RANBP10: variants seen among roughly 807,000 people sequenced by gnomAD.
RANBP10 encodes the protein ran-binding protein 10.
Under a neutral mutation model 72.8 loss-of-function variants are expected in RANBP10, and 24 were observed. The ratio of observed to expected loss-of-function variants is 0.33; its 90% CI spans 0.24 to 0.46. The LOEUF is 0.46. Ranked by LOEUF, RANBP10 falls within the 20% of genes least tolerant of loss-of-function variation. The pLI, the probability that RANBP10 is intolerant of heterozygous loss-of-function variation, is 1.00. For missense variants in RANBP10, 679 were observed against 817.5 expected (o/e 0.83, Z 2.07); for synonymous variants, 310 against 322.3 (o/e 0.96, Z 0.41).
At chr16:67,740,704 T>C (rs2053952564) in intron 4 of RANBP10, among the ~76,000 whole-genome samples, 1 of 152,224 alleles carries the variant, frequency 6.6e-6, no homozygotes, top group Admixed American at 6.5e-5. Flanking sequence ...ATACTACCTC[T>C]GACACTAGTT....
chr16:67,765,441 G>A lies in RANBP10; in HGVS notation c.400+6593C>T, dbSNP rs572692214. ...CTCGGGAGGCTGAGGCAGGAGAATC[G>A]CTTGAACCCGGGAGGCGAAGGTTGC... is the stretch of plus-strand genomic sequence containing the variant. On this transcript the variant is annotated intron_variant, in intron 3 of 13. Coordinates refer to ENST00000317506, the MANE Select transcript of RANBP10 (RefSeq NM_020850.3). 7.2e-5 allele frequency among the ~76,000 whole-genome samples: 11 copies of A among 152,084 alleles called. No homozygotes were observed. In the South Asian group the frequency reaches 2.1e-3, roughly 29 times the overall value.
chr16:67,742,429 A>G (rs2053987383), intron 4 of RANBP10, among the ~76,000 whole-genome samples: 1 of 152,238 alleles, frequency 6.6e-6, no homozygotes, highest in South Asian at 2.1e-4. Context: ...CAGGCTGGAA[A>G]AAAAGTCAAA....
Position 67,729,372 on chromosome 16 carries a change from G to A in RANBP10, c.1260C>T (p.Ser420=). 1 of 1,613,122 alleles carries A rather than the reference G, an allele frequency of 6.2e-7. No individual in the cohort carries two copies. The highest frequency in any genetic ancestry group is 1.7e-4 in the Middle Eastern group (1 of 5,756). ...AGTAATTGACGGAGGATGGGGAAGA[G>A]GACGAGGAGGAGGAGGAGGACGAGG... The part of the protein sequence containing the change: ...SSSSSSSSSS[S]SSPSSVNYSE... Residue 420 remains serine (S), a synonymous_variant, in exon 10 of 14, where the codon TCC becomes TCT. Coordinates refer to ENST00000317506, the MANE Select transcript of RANBP10 (RefSeq NM_020850.3). This position sits in a 1 kb window ranked among gnomAD's most constrained non-coding sequence, Gnocchi z 7.1.
At position 67,806,283 on chromosome 16, in the gene RANBP10, C is replaced by CA; in HGVS notation, c.235+18dup. 6.3e-7 allele frequency: 1 copy of CA among 1,594,524 alleles called. No homozygotes were observed. The highest frequency in any genetic ancestry group is 1.7e-4 in the Middle Eastern group (1 of 6,032). On this transcript the variant is annotated intron_variant, in intron 1 of 13. Coordinates refer to ENST00000317506, the MANE Select transcript of RANBP10 (RefSeq NM_020850.3). Reference sequence around the variant, plus strand: ...CGGACGCTCTAGCCTTAATTCCCCCCAGCCTGACGGGCCGATACCTTTGTA... The same window carrying CA: ...CGGACGCTCTAGCCTTAATTCCCCCCAAGCCTGACGGGCCGATACCTTTGTA...
chr16:67,755,456 G>T (rs2054269201), intron 3 of RANBP10, among the ~76,000 whole-genome samples: 1 of 152,028 alleles, frequency 6.6e-6, no homozygotes, highest in African/African-American at 2.4e-5. Context: ...GGCCGAGGTG[G>T]GTGGATCACC....
chr16:67,805,632 CCT>C, intron 1 of RANBP10, 93 bp from the exon 2 acceptor site: 1 of 1,004,028 alleles, frequency 1.0e-6, no homozygotes, highest in South Asian at 1.4e-5. Flanking sequence ...CAACTCCACT[CCT>C]CTGTGGCCAG....
intron 3 of RANBP10, among the ~76,000 whole-genome samples, chr16:67,758,488 C>T (rs1207061717): frequency 6.6e-6 from 1 of 152,122 alleles, no homozygotes; most frequent in African/African-American, 2.4e-5. Flanking sequence ...CGGCCAACCC[C>T]TTCTCGAAAG....
rs146575294 is a variant in RANBP10, at chr16:67,788,253, C to A, written c.348-16167G>T. On this transcript the variant is annotated intron_variant, in intron 2 of 13. Transcript: ENST00000317506. The stretch of plus-strand genomic sequence containing the variant: ...CCTGTAGAGCCACGCCTGGCCTCTA[C>A]AAATTTTTTTTTCTTTTGAGACAGA... Among the ~76,000 whole-genome samples, 1,296 of 151,184 alleles carry A rather than the reference C, an allele frequency of 8.6e-3. 5 individuals carry two copies. The highest frequency in any genetic ancestry group is 0.022 in the African/African-American group (927 of 41,236).
intron 2 of RANBP10, among the ~76,000 whole-genome samples, chr16:67,791,685 G>A (rs866195515): frequency 2.0e-5 from 3 of 152,254 alleles, no homozygotes; most frequent in Middle Eastern, 6.8e-3. Flanking sequence ...CAGTTCAGCA[G>A]GCTGGCAATC....
At chr16:67,767,842 C>T (rs539810381) in intron 3 of RANBP10, among the ~76,000 whole-genome samples, 6 of 151,980 alleles carry the variant, frequency 3.9e-5, no homozygotes, top group Non-Finnish European at 4.4e-5. Flanking sequence ...GTGATCCACC[C>T]GCCTTGGCCT....
chr16:67,774,635 C>G (rs997051274), intron 2 of RANBP10, among the ~76,000 whole-genome samples: 17 of 152,154 alleles, frequency 1.1e-4, no homozygotes, highest in Admixed American at 7.2e-4. Context: ...ATTTGGGCAC[C>G]ATTCCACCTC....
At position 67,772,051 on chromosome 16, in the gene RANBP10, T is replaced by C. The variant is rs577309566; in HGVS notation, c.383A>G (p.Asn128Ser). ...MGIGLSAQGV[N>S]MNRLPGWDKH... The stretch of plus-strand genomic sequence containing the variant: ...TGACTCACCAGGAAGTCTGTTCATG[T>C]TGACGCCTTGAGCCGAGAGTCCTAT... Residue 128 changes from asparagine to serine, a missense_variant, in exon 3 of 14, where the codon AAC becomes AGC. Physicochemically the swap from Asn to Ser is conservative, Grantham distance 46 (BLOSUM62 1). Transcript: ENST00000317506. The C allele has an allele frequency of 9.7e-5, 157 of 1,610,432 alleles. 4 individuals are homozygous for C. The South Asian group carries it at 1.7e-3, about 17-fold the overall frequency.
At chr16:67,740,159 G>A (rs1429543690) in intron 4 of RANBP10, among the ~76,000 whole-genome samples, 2 of 149,584 alleles carry the variant, frequency 1.3e-5, no homozygotes, top group Non-Finnish European at 3.0e-5. Context: ...CTGGAATGCA[G>A]TGGTGTGATC....
intron 3 of RANBP10, among the ~76,000 whole-genome samples, chr16:67,764,745 G>A (rs1015688666): frequency 4.6e-5 from 7 of 152,090 alleles, no homozygotes; most frequent in South Asian, 2.1e-4. Context: ...TTTCTGGTTC[G>A]GAAGACTAAA....
At chr16:67,748,260 C>T (rs1401378238) in intron 3 of RANBP10, among the ~76,000 whole-genome samples, 2 of 151,660 alleles carry the variant, frequency 1.3e-5, no homozygotes, top group Admixed American at 1.3e-4. Context: ...TGGCTCAGGC[C>T]TATAATCCCA....
intron 2 of RANBP10, among the ~76,000 whole-genome samples, chr16:67,803,830 TAAAAAAAA>T (rs1186108487): frequency 3.3e-5 from 3 of 91,602 alleles, no homozygotes; most frequent in African/African-American, 7.7e-5. Context: ...CCCATCTCAT[TAAAAAAAA>T]AAAAAAAAAA....
chr16:67,737,451 C>T (rs530838763), intron 5 of RANBP10, among the ~76,000 whole-genome samples: 88 of 151,896 alleles, frequency 5.8e-4, no homozygotes, highest in Non-Finnish European at 1.1e-3. Context: ...ATTTGCCCAC[C>T]TCGGCCTCCC....
chr16:67,756,033 C>T (rs1469490078), intron 3 of RANBP10, among the ~76,000 whole-genome samples: 1 of 152,208 alleles, frequency 6.6e-6, no homozygotes, highest in Non-Finnish European at 1.5e-5. Context: ...GATGCTCTGG[C>T]ACCACCCACT....
intron 2 of RANBP10, among the ~76,000 whole-genome samples, chr16:67,775,365 C>A (rs952691635): frequency 6.6e-6 from 1 of 152,096 alleles, no homozygotes. Flanking sequence ...TGGTGGAAGA[C>A]TGAAAGCCTT....
Sources: gnomAD v4.1 joint callset for allele counts (sites outside exome capture counted in the v4.1 genomes callset) on GRCh38, gnomAD v4.1.1 for gene constraint, Gnocchi (gnomAD v3.1) non-coding constraint, MANE v1.5 for transcripts, NCBI Gene and HGNC (gene_info 2026-07-23, HGNC 2026-07-21) for gene names.